PCP4L1: variants seen among roughly 807,000 people sequenced by gnomAD.
PCP4L1 encodes the protein Purkinje cell protein 4 like 1.
In PCP4L1, 9 loss-of-function variants were observed where a neutral mutation model predicts 9.6. The observed-to-expected ratio is 0.94, with a 90% CI of 0.57 to 1.64. PCP4L1 has a LOEUF of 1.64. Ranked by LOEUF, PCP4L1 falls within the 40% of genes most tolerant of loss-of-function variation. The probability of loss-of-function intolerance (pLI) is 0.00; values close to 1 mark genes in which losing one functional copy is unlikely to be tolerated. For missense variants in PCP4L1, 81 were observed against 80.8 expected, an observed-to-expected ratio of 1.00 and a Z score of -0.01; for synonymous variants, 31 against 28.2, an observed-to-expected ratio of 1.10 and a Z score of -0.31.
At chr1:161,275,794 CT>C (rs1191740761) in intron 1 of PCP4L1, among the ~76,000 whole-genome samples, 3,135 of 134,132 alleles carry the variant, frequency 0.023, 52 homozygotes, top group African/African-American at 0.078. Flanking sequence ...CTAGGTCATA[CT>C]TTTTTTTTTT....
At chr1:161,263,899 C>CTTTTTTTTT (rs1160429112) in intron 1 of PCP4L1, among the ~76,000 whole-genome samples, 2 of 70,768 alleles carry the variant, frequency 2.8e-5, no homozygotes, top group Non-Finnish European at 5.2e-5. Flanking sequence ...ACTTTCTTTC[C>CTTTTTTTTT]TTTTTTTTTT....
chr1:161,264,300 C>A (rs1171617915), intron 1 of PCP4L1, among the ~76,000 whole-genome samples: 8 of 151,524 alleles, frequency 5.3e-5, no homozygotes, highest in Admixed American at 5.3e-4. Flanking sequence ...AGGTGGATAA[C>A]GAGGTCAGGA....
intron 1 of PCP4L1, among the ~76,000 whole-genome samples, chr1:161,262,451 A>AG (rs1290645379): frequency 2.1e-5 from 3 of 145,440 alleles, no homozygotes; most frequent in African/African-American, 7.4e-5. Flanking sequence ...AAAAAAAAAA[A>AG]AAAAAGAAAT....
chr1:161,275,735 A>G (rs533474898), intron 1 of PCP4L1, among the ~76,000 whole-genome samples: 1 of 151,396 alleles, frequency 6.6e-6, no homozygotes, highest in African/African-American at 2.4e-5. Context: ...TTAACCTATG[A>G]TCCTCTTGTC....
chr1:161,264,465 C>T (rs577413389), intron 1 of PCP4L1, among the ~76,000 whole-genome samples: 445 of 152,034 alleles, frequency 2.9e-3, no homozygotes, highest in Admixed American at 6.7e-3. Context: ...TGCAGTGAGC[C>T]GAGATAGCAC....
chr1:161,264,543 A>G (rs1278217997), intron 1 of PCP4L1, among the ~76,000 whole-genome samples: 2 of 151,626 alleles, frequency 1.3e-5, no homozygotes, highest in African/African-American at 2.4e-5. Context: ...AATATAAGCA[A>G]TGTAGCTGAG....
At position 161,284,793 on chromosome 1, in the gene PCP4L1, C is replaced by A; in HGVS notation, c.*312C>A. ...GAGGCTTCGAGGCTGAGAGATCTCC[C>A]CAAAGAACAATGTGGGAAGGAGGGG... On this transcript the variant is annotated 3_prime_UTR_variant, in exon 3 of 3. Transcript: ENST00000504449. 3.0e-6 allele frequency: 1 copy of A among 334,778 alleles called. No individual in the cohort carries two copies. The highest frequency in any genetic ancestry group is 5.5e-6 in the Non-Finnish European group (1 of 181,550). The allele number at this position is 334,778 out of a possible 1,614,324, so 20.7% of individuals were successfully genotyped here. A position where few individuals can be genotyped will look rare whatever the true frequency, so the allele number is the denominator to read the frequency against.
chr1:161,277,642 C>T (rs141196188), intron 1 of PCP4L1, among the ~76,000 whole-genome samples: 34 of 152,294 alleles, frequency 2.2e-4, no homozygotes, highest in Admixed American at 1.8e-3. Context: ...CCCCAATGTG[C>T]CCTTTGTGCT....
At chr1:161,260,324 T>A (rs950845651) in intron 1 of PCP4L1, among the ~76,000 whole-genome samples, 4 of 152,166 alleles carry the variant, frequency 2.6e-5, no homozygotes, top group Non-Finnish European at 5.9e-5. Flanking sequence ...TGAACCAAAG[T>A]GGTTTCCAGT....
chr1:161,268,219 T>G (rs1402328057), intron 1 of PCP4L1, among the ~76,000 whole-genome samples: 2 of 152,018 alleles, frequency 1.3e-5, no homozygotes, highest in African/African-American at 4.8e-5. Flanking sequence ...GGACAGACAT[T>G]GGGAAGACAG....
chr1:161,272,199 T>TTTA, intron 1 of PCP4L1, among the ~76,000 whole-genome samples: 1 of 150,236 alleles, frequency 6.7e-6, no homozygotes, highest in South Asian at 2.1e-4. Flanking sequence ...TTTTTTTTTT[T>TTTA]AAGCAAATTC....
At chr1:161,275,483 T>C (rs1669683228) in intron 1 of PCP4L1, among the ~76,000 whole-genome samples, 1 of 136,642 alleles carries the variant, frequency 7.3e-6, no homozygotes, top group Admixed American at 8.1e-5. Flanking sequence ...GCCACTGCAC[T>C]CTAGTCTGGG....
chr1:161,279,364 C>A (rs1669756405), intron 1 of PCP4L1, among the ~76,000 whole-genome samples: 1 of 152,168 alleles, frequency 6.6e-6, no homozygotes, highest in Non-Finnish European at 1.5e-5. Context: ...ACACCTAGAA[C>A]AATACTTGCC....
chr1:161,269,979 A>G (rs1277238979), intron 1 of PCP4L1, among the ~76,000 whole-genome samples: 1 of 149,120 alleles, frequency 6.7e-6, no homozygotes, highest in Non-Finnish European at 1.5e-5. Context: ...AGCCTGGGCA[A>G]CAGAATAAGA....
chr1:161,269,745 T>TC (rs1243892724), intron 1 of PCP4L1, among the ~76,000 whole-genome samples: 3 of 152,170 alleles, frequency 2.0e-5, no homozygotes, highest in East Asian at 3.8e-4. Flanking sequence ...ACACCTATAA[T>TC]CCCAGCACTT....
Position 161,258,939 on chromosome 1 carries a change from C to G in PCP4L1, c.-36C>G. 1.3e-6 allele frequency: 2 copies of G among 1,534,836 alleles called. No individual in the cohort carries two copies. Among genetic ancestry groups the G allele is most frequent in the Middle Eastern group, 1.7e-4 (1 of 5,814 alleles). The stretch of plus-strand genomic sequence containing the variant: ...CCGAGGGCCACTCGCCTCACCTGTG[C>G]GTGCAGCGCCTCGCGCGCCCTGTCC... On this transcript the variant is annotated 5_prime_UTR_variant, in exon 1 of 3. Transcript: ENST00000504449.
chr1:161,270,391 C>T (rs1388903820), intron 1 of PCP4L1, among the ~76,000 whole-genome samples: 2 of 151,936 alleles, frequency 1.3e-5, no homozygotes, highest in Admixed American at 1.3e-4. Context: ...CATGTCAGAG[C>T]CAACTGTGTT....
chr1:161,277,422 C>T (rs1007341161), intron 1 of PCP4L1, among the ~76,000 whole-genome samples: 23 of 152,162 alleles, frequency 1.5e-4, no homozygotes, highest in African/African-American at 5.3e-4. Context: ...TTGACTTGGG[C>T]AAGTTCCTCA....
At chr1:161,279,759 C>T (rs1669762668) in intron 1 of PCP4L1, among the ~76,000 whole-genome samples, 1 of 152,198 alleles carries the variant, frequency 6.6e-6, no homozygotes, top group South Asian at 2.1e-4. Context: ...ATTCTGTCTC[C>T]AGATGAACCA....
Sources: allele counts gnomAD v4.1 joint callset (sites outside exome capture counted in the v4.1 genomes callset), GRCh38; gene constraint gnomAD v4.1.1; transcripts MANE v1.5; gene names NCBI Gene and HGNC (gene_info 2026-07-23, HGNC 2026-07-21).